The following STXBP5 variants were observed in gnomAD, a reference collection of about 807,000 sequenced individuals.
STXBP5 encodes the protein syntaxin-binding protein 5.
In STXBP5, 50 loss-of-function variants were observed where a neutral mutation model predicts 152.4. The ratio of observed to expected loss-of-function variants is 0.33; its 90% CI spans 0.26 to 0.42. The LOEUF is 0.42. Among genes scored for constraint, STXBP5 ranks in the 10% least tolerant of loss-of-function variants. The pLI is 1.00. For missense variants in STXBP5, 1,167 were observed against 1,388.6 expected (o/e 0.84, Z 2.54); for synonymous variants, 492 against 494.7 (o/e 0.99, Z 0.07).
intron 4 of STXBP5, among the ~76,000 whole-genome samples, chr6:147,258,439 T>A (rs1244710622): frequency 6.6e-6 from 1 of 152,138 alleles, no homozygotes; most frequent in Non-Finnish European, 1.5e-5. Flanking sequence ...TGTTTTTTGT[T>A]TTTTGTTTTT....
chr6:147,337,042 C>T (rs1490209576), intron 19 of STXBP5, among the ~76,000 whole-genome samples: 1 of 151,928 alleles, frequency 6.6e-6, no homozygotes, highest in East Asian at 1.9e-4. Context: ...TTAATTCTGC[C>T]TACTGAACAT....
At chr6:147,364,234 C>G in intron 25 of STXBP5, 68 bp downstream of exon 25, 1 of 1,387,428 alleles carries the variant, frequency 7.2e-7, no homozygotes, top group Admixed American at 2.0e-5. Context: ...CGTATACTGT[C>G]TGCCCCTTAT....
chr6:147,373,745 A>G lies in STXBP5; in HGVS notation c.3096A>G (p.Glu1032=), dbSNP rs749258930. Residue 1032 remains glutamate (E), a synonymous_variant, in exon 26 of 28, where the codon GAA becomes GAG. Transcript: ENST00000321680. The stretch of plus-strand genomic sequence containing the variant: ...TGATTTTAAAGGAAATGTTGGGTGA[A>G]CTCTTCACTCCTGTAGAAACACCTG... ...TCENLQEMLG[E]LFTPVETPEA... 6.2e-6 allele frequency: 10 copies of G among 1,612,640 alleles called. No individual in the cohort carries two copies. The highest frequency in any genetic ancestry group is 1.7e-4 in the Middle Eastern group (1 of 6,050).
In STXBP5 at chr6:147,389,559, C is replaced by T. The variant is rs975314738; in HGVS notation, c.*4804C>T. On this transcript the variant is annotated 3_prime_UTR_variant, in exon 28 of 28. Coordinates refer to ENST00000321680, the MANE Select transcript of STXBP5 (RefSeq NM_001127715.4). ...GCCAGTATTTTACAATGAGGCTTATCGTTTAAAATTTTATAGTGTATGACA... is the reference window on the plus strand; with the variant it reads ...GCCAGTATTTTACAATGAGGCTTATTGTTTAAAATTTTATAGTGTATGACA... The T allele has an allele frequency of 6.6e-6, 1 of 151,588 alleles. No individual in the cohort carries two copies. The highest frequency in any genetic ancestry group is 1.9e-4 in the East Asian group (1 of 5,166). The allele number at this position is 151,588 out of a possible 1,614,324, so 9.4% of individuals were successfully genotyped here. A position where few individuals can be genotyped will look rare whatever the true frequency, so the allele number is the denominator to read the frequency against.
At chr6:147,358,628 A>T (rs1784916666) in intron 22 of STXBP5, among the ~76,000 whole-genome samples, 1 of 152,204 alleles carries the variant, frequency 6.6e-6, no homozygotes, top group African/African-American at 2.4e-5. Flanking sequence ...CCTACTGTTG[A>T]CTGAAAGCCT....
At chr6:147,245,186 A>G (rs1778752383) in intron 4 of STXBP5, among the ~76,000 whole-genome samples, 1 of 151,754 alleles carries the variant, frequency 6.6e-6, no homozygotes, top group Non-Finnish European at 1.5e-5. Flanking sequence ...ACTGTCTCCA[A>G]ATACTGTCAC....
At chr6:147,339,491 C>T (rs1012231442) in intron 21 of STXBP5, 107 bp downstream of exon 21, 1 of 823,894 alleles carries the variant, frequency 1.2e-6, no homozygotes, top group South Asian at 2.7e-5. Flanking sequence ...TTTGTTGTTC[C>T]TATGCTAAAA....
intron 21 of STXBP5, among the ~76,000 whole-genome samples, chr6:147,339,840 G>A (rs1784011350): frequency 6.6e-6 from 1 of 151,928 alleles, no homozygotes; most frequent in Admixed American, 6.6e-5. Context: ...CTTTGGCAAA[G>A]TTAAATAGGA....
intron 9 of STXBP5, among the ~76,000 whole-genome samples, chr6:147,307,687 C>A (rs1582920545): frequency 6.6e-6 from 1 of 151,970 alleles, no homozygotes; most frequent in Non-Finnish European, 1.5e-5. Flanking sequence ...AGAGACAGCA[C>A]ATAAAATAAC....
intron 26 of STXBP5, among the ~76,000 whole-genome samples, chr6:147,377,701 G>T (rs1220134349): frequency 6.6e-6 from 1 of 152,084 alleles, no homozygotes; most frequent in African/African-American, 2.4e-5. Flanking sequence ...TCCCACTGAT[G>T]AGGACAATAC....
intron 7 of STXBP5, among the ~76,000 whole-genome samples, chr6:147,273,802 A>AC (rs1487714412): frequency 2.6e-5 from 4 of 152,094 alleles, no homozygotes; most frequent in Non-Finnish European, 5.9e-5. Context: ...ATACAAAAAA[A>AC]CTAGCCAGGT....
chr6:147,375,620 T>TATATAA (rs1181004683), intron 26 of STXBP5, among the ~76,000 whole-genome samples: 1 of 150,766 alleles, frequency 6.6e-6, no homozygotes, highest in Non-Finnish European at 1.5e-5. Flanking sequence ...AGAATACTTA[T>TATATAA]ATATAAATAT....
At chr6:147,312,632 G>A (rs773577713) in intron 11 of STXBP5, among the ~76,000 whole-genome samples, 14 of 152,052 alleles carry the variant, frequency 9.2e-5, no homozygotes, top group Non-Finnish European at 1.8e-4. Context: ...ACATTATCTC[G>A]TCCAAAATGT....
intron 8 of STXBP5, among the ~76,000 whole-genome samples, chr6:147,281,775 A>G (rs55869693): frequency 0.016 from 2,366 of 152,296 alleles, 30 homozygotes; most frequent in Admixed American, 0.027. Flanking sequence ...ATAGGTTAAG[A>G]TATCCTTGAA....
chr6:147,205,252 T>A (rs1483040704), intron 1 of STXBP5, among the ~76,000 whole-genome samples: 1 of 152,116 alleles, frequency 6.6e-6, no homozygotes, highest in African/African-American at 2.4e-5. Flanking sequence ...TCAGAAAGAA[T>A]GATGCAGCGA....
At chr6:147,273,736 G>A (rs1001677576) in intron 7 of STXBP5, among the ~76,000 whole-genome samples, 1 of 152,144 alleles carries the variant, frequency 6.6e-6, no homozygotes, top group African/African-American at 2.4e-5. Context: ...CAGATCACGA[G>A]GTCAGGAGAT....
intron 27 of STXBP5, among the ~76,000 whole-genome samples, chr6:147,383,342 A>G (rs1304207454): frequency 2.0e-5 from 3 of 152,260 alleles, no homozygotes; most frequent in South Asian, 2.1e-4. Context: ...TCCTAGAAAA[A>G]GAAATAATTT....
At chr6:147,327,704 A>G (rs1783338034) in intron 18 of STXBP5, among the ~76,000 whole-genome samples, 1 of 152,166 alleles carries the variant, frequency 6.6e-6, no homozygotes, top group Non-Finnish European at 1.5e-5. Context: ...AGCCTCCCAA[A>G]GTACTGGGAT....
chr6:147,306,831 T>C (rs547293769), intron 9 of STXBP5, among the ~76,000 whole-genome samples: 8 of 152,350 alleles, frequency 5.3e-5, no homozygotes, highest in Middle Eastern at 3.4e-3. Context: ...CTCGTCATGC[T>C]GTCTCACTAT....
Sources: gnomAD v4.1 joint callset for allele counts (sites outside exome capture counted in the v4.1 genomes callset) on GRCh38, gnomAD v4.1.1 for gene constraint, MANE v1.5 for transcripts, NCBI Gene and HGNC (gene_info 2026-07-23, HGNC 2026-07-21) for gene names.